The following TBC1D10B variants were observed in gnomAD, a reference collection of about 807,000 sequenced individuals.
TBC1D10B encodes the protein TBC1 domain family member 10B.
TBC1D10B carries 25 observed loss-of-function variants against 78.4 expected under a neutral mutation model. The observed-to-expected ratio is 0.32, with a 90% CI of 0.23 to 0.45. TBC1D10B has a LOEUF of 0.45. TBC1D10B is among the 20% of genes least tolerant of loss of function. The probability of loss-of-function intolerance (pLI) is 1.00; values close to 1 mark genes in which losing one functional copy is unlikely to be tolerated. For synonymous variants in TBC1D10B, 517 were observed against 478.0 expected (o/e 1.08, Z -1.06); for missense variants, 996 against 1,104.8 (o/e 0.90, Z 1.40).
At chr16:30,361,362 T>C (rs972663674) in intron 4 of TBC1D10B, among the ~76,000 whole-genome samples, 4 of 152,192 alleles carry the variant, frequency 2.6e-5, no homozygotes, top group Non-Finnish European at 5.9e-5. Context: ...TCCTTACCTA[T>C]AGACTCACTG....
Position 30,370,052 on chromosome 16 carries a change from C to T in TBC1D10B, c.132G>A (p.Thr44=), listed in dbSNP as rs1348840370. 7.3e-6 allele frequency: 9 copies of T among 1,228,980 alleles called. No homozygotes were observed. The highest frequency in any genetic ancestry group is 9.1e-6 in the Non-Finnish European group (9 of 986,100). 76.1% of individuals were successfully genotyped at this position (1,228,980 alleles called of 1,614,324 possible). A position where few individuals can be genotyped will look rare whatever the true frequency, so the allele number is the denominator to read the frequency against. ...VVVAPGPPVT[T]ATSAPVTLVA... Reference sequence around the variant, plus strand: ...CCAGGGTGACGGGGGCCGAAGTGGCCGTAGTCACTGGAGGTCCCGGAGCCA... The same window carrying T: ...CCAGGGTGACGGGGGCCGAAGTGGCTGTAGTCACTGGAGGTCCCGGAGCCA... Residue 44 remains threonine, a synonymous_variant, in exon 1 of 9, where the codon ACG becomes ACA. Coordinates refer to ENST00000409939, the MANE Select transcript of TBC1D10B (RefSeq NM_015527.4).
At position 30,365,110 on chromosome 16, in the gene TBC1D10B, A is replaced by G. The variant is rs754920469; in HGVS notation, c.1159T>C (p.Phe387Leu). The change falls in exon 3 of 9, where the codon TTT becomes CTT. Residue 387 changes from phenylalanine to leucine, a missense_variant. Transcript: ENST00000409939. This position sits in a 1 kb window ranked among gnomAD's most constrained non-coding sequence, Gnocchi z 5.0. ...CACCTTGGAGCTGCACGCACCTCAA[A>G]CTTTCCTGGGTTCTGCTCCAGAAGT... ...KELLEQNPGK[F>L]EELERAPGDP... 6.2e-7 allele frequency: 1 copy of G among 1,613,878 alleles called. No homozygotes were observed. The highest frequency in any genetic ancestry group is 8.5e-7 in the Non-Finnish European group (1 of 1,179,854).
Position 30,364,916 on chromosome 16 carries a change from C to G in TBC1D10B, c.1255G>C (p.Ala419Pro). Residue 419 changes from alanine (A) to proline (P), a missense_variant, in exon 4 of 9, where the codon GCT becomes CCT. Transcript: ENST00000409939. ...RQFPFHEMFA[A>P]RGGHGQQDLY... ...CCACCTTACCCATGCCCCCCTCGAG[C>G]AGCAAACATCTCGTGGAAAGGGAAC... 1 of 1,611,912 alleles carries G rather than the reference C, an allele frequency of 6.2e-7. No individual in the cohort carries two copies. Among genetic ancestry groups the G allele is most frequent in the Non-Finnish European group, 8.5e-7 (1 of 1,179,040 alleles).
In TBC1D10B at chr16:30,369,864, G is replaced by C; in HGVS notation, c.320C>G (p.Ser107Cys). ...SPEAPKPQLP[S>C]GPESPEPAAV... ...CGCGGGCTCTGGGGATTCCGGGCCGGAGGGGAGCTGCGGCTTTGGGGCTTC... is the reference window on the plus strand; with the variant it reads ...CGCGGGCTCTGGGGATTCCGGGCCGCAGGGGAGCTGCGGCTTTGGGGCTTC... Residue 107 changes from serine (S) to cysteine (C), a missense_variant, in exon 1 of 9, where the codon TCC becomes TGC. Ser to Cys is a moderately radical substitution (Grantham distance 112). This residue lies in a region of TBC1D10B where 448 missense variants were observed against 442.1 expected (regional missense o/e 1.01). Transcript: ENST00000409939. The surrounding 1 kb of genome is among the most constrained non-coding windows in gnomAD (Gnocchi z 4.3). 7.1e-7 allele frequency: 1 copy of C among 1,403,248 alleles called. No homozygotes were observed. Among genetic ancestry groups the C allele is most frequent in the Non-Finnish European group, 9.2e-7 (1 of 1,081,942 alleles). The allele number at this position is 1,403,248 out of a possible 1,614,324, so 86.9% of individuals were successfully genotyped here.
Position 30,357,556 on chromosome 16 carries a change from G to T in TBC1D10B, c.*388C>A. On this transcript the variant is annotated 3_prime_UTR_variant, in exon 9 of 9. Coordinates refer to ENST00000409939, the MANE Select transcript of TBC1D10B (RefSeq NM_015527.4). The stretch of plus-strand genomic sequence containing the variant: ...GGGGAGACAGGGAGGGCTGAAGACA[G>T]GGAAAAGGAAGCCAGCTCCACCTCA... The T allele has an allele frequency of 4.1e-6, 1 of 245,108 alleles. No individual in the cohort carries two copies. The allele number at this position is 245,108 out of a possible 1,614,324, so 15.2% of individuals were successfully genotyped here. A position where few individuals can be genotyped will look rare whatever the true frequency, so the allele number is the denominator to read the frequency against.
chr16:30,361,685 G>A (rs1471627881), intron 4 of TBC1D10B, among the ~76,000 whole-genome samples: 2 of 151,214 alleles, frequency 1.3e-5, no homozygotes, highest in Non-Finnish European at 2.9e-5. Context: ...GATTACAGGC[G>A]TGAGCCACCG....
At chr16:30,366,501 T>C (rs1488909966) in intron 1 of TBC1D10B, 2 of 146,140 alleles carry the variant, frequency 1.4e-5, no homozygotes, top group Non-Finnish European at 3.0e-5. Flanking sequence ...CGAGACTCCA[T>C]CAAAAAAAAA....
Position 30,357,787 on chromosome 16 carries a change from C to T in TBC1D10B, c.*157G>A, listed in dbSNP as rs1487372426. On this transcript the variant is annotated 3_prime_UTR_variant, in exon 9 of 9. Transcript: ENST00000409939. Reference sequence around the variant, plus strand: ...TTTGCAGCTGCCCATCTGTCCTGCCCGTGTAGGGATCAGCAGCTGGCGAGG... The same window carrying T: ...TTTGCAGCTGCCCATCTGTCCTGCCTGTGTAGGGATCAGCAGCTGGCGAGG... 2 of 1,017,362 alleles carry T rather than the reference C, an allele frequency of 2.0e-6. No homozygotes were observed. The highest frequency in any genetic ancestry group is 2.9e-5 in the Admixed American group (1 of 34,720). 63.0% of individuals were successfully genotyped at this position (1,017,362 alleles called of 1,614,324 possible).
chr16:30,365,654 G>A lies in TBC1D10B; in HGVS notation c.957-60C>T. 6.6e-7 allele frequency: 1 copy of A among 1,520,966 alleles called. No individual in the cohort carries two copies. The allele number at this position is 1,520,966 out of a possible 1,614,324, so 94.2% of individuals were successfully genotyped here. On this transcript the variant is annotated intron_variant, in intron 1 of 8. Transcript: ENST00000409939. The surrounding 1 kb of genome is among the most constrained non-coding windows in gnomAD (Gnocchi z 5.0). The stretch of plus-strand genomic sequence containing the variant: ...GCAATAGTGTAAAACCTGCATTGCA[G>A]GGGGAACTGAGGCAAGCCACCTCCC...
At position 30,358,380 on chromosome 16, in the gene TBC1D10B, C is replaced by G; in HGVS notation, c.1991G>C (p.Gly664Ala). The change falls in exon 9 of 9, where the codon GGC becomes GCC. Residue 664 changes from glycine to alanine, a missense_variant. Physicochemically the swap from Gly to Ala is moderately conservative, Grantham distance 60. This residue lies in a region of TBC1D10B where 285 missense variants were observed against 252.5 expected (regional missense o/e 1.13). Coordinates refer to ENST00000409939, the MANE Select transcript of TBC1D10B (RefSeq NM_015527.4). ...GPSSSLLSLPGLKSRGSRAAG... is the reference protein window; with the variant it reads ...GPSSSLLSLPALKSRGSRAAG... ...TGCCCGGGAGCCTCGGCTCTTGAGG[C>G]CAGGGAGGCTGAGGAGGCTGGAGGA... The G allele has an allele frequency of 6.4e-7, 1 of 1,564,632 alleles. No homozygotes were observed. Among genetic ancestry groups the G allele is most frequent in the African/African-American group, 1.4e-5 (1 of 73,788 alleles).
intron 4 of TBC1D10B, among the ~76,000 whole-genome samples, chr16:30,363,132 CCATTCTTCT>C (rs1165776907): frequency 6.6e-6 from 1 of 152,192 alleles, no homozygotes; most frequent in African/African-American, 2.4e-5. Context: ...AACAGCAACT[CCATTCTTCT>C]CATTTCTCAG....
chr16:30,363,643 C>A (rs1175233646), intron 4 of TBC1D10B, among the ~76,000 whole-genome samples: 1 of 152,182 alleles, frequency 6.6e-6, no homozygotes, highest in Non-Finnish European at 1.5e-5. Context: ...TTAATGCTTA[C>A]CATCATTTCA....
In TBC1D10B at chr16:30,370,243, G is replaced by A. The variant is rs910280885; in HGVS notation, c.-60C>T. ...GAGGCCGCAGAAGGCGCCGCCCCTCGGGCCTCCCGGCGAGGCCAGCCGAGA... is the reference window on the plus strand; with the variant it reads ...GAGGCCGCAGAAGGCGCCGCCCCTCAGGCCTCCCGGCGAGGCCAGCCGAGA... On this transcript the variant is annotated 5_prime_UTR_variant, in exon 1 of 9. Transcript: ENST00000409939. 24 of 934,766 alleles carry A rather than the reference G, an allele frequency of 2.6e-5. No homozygotes were observed. The African/African-American group carries it at 3.9e-4, about 15-fold the overall frequency. The allele number at this position is 934,766 out of a possible 1,614,324, so 57.9% of individuals were successfully genotyped here. A position where few individuals can be genotyped will look rare whatever the true frequency, so the allele number is the denominator to read the frequency against.
intron 7 of TBC1D10B, 26 bp from the exon 8 acceptor site, chr16:30,358,843 TG>T (rs1162650608): frequency 6.3e-7 from 1 of 1,585,752 alleles, no homozygotes; most frequent in Middle Eastern, 2.2e-4. Context: ...GTAGAGAGCA[TG>T]GGGTGGTCAG....
intron 4 of TBC1D10B, among the ~76,000 whole-genome samples, chr16:30,361,530 C>G (rs893199827): frequency 6.6e-6 from 1 of 151,544 alleles, no homozygotes; most frequent in Non-Finnish European, 1.5e-5. Flanking sequence ...CCCAGGTTCA[C>G]GCAATTCTCC....
At chr16:30,362,974 T>G (rs1482605235) in intron 4 of TBC1D10B, among the ~76,000 whole-genome samples, 1 of 151,988 alleles carries the variant, frequency 6.6e-6, no homozygotes, top group African/African-American at 2.4e-5. Context: ...GAGGTGGAGG[T>G]TGCAGTGACC....
intron 7 of TBC1D10B, 65 bp downstream of exon 7, chr16:30,359,107 A>C: frequency 2.0e-6 from 3 of 1,514,808 alleles, no homozygotes; most frequent in Non-Finnish European, 2.7e-6. Context: ...CAGAAATATG[A>C]CAGAACCCCT....
chr16:30,361,695 G>A (rs374340364), intron 4 of TBC1D10B, among the ~76,000 whole-genome samples: 37 of 149,236 alleles, frequency 2.5e-4, no homozygotes, highest in African/African-American at 8.9e-4. Context: ...GTGAGCCACC[G>A]CGCCCAGCCA....
intron 4 of TBC1D10B, 153 bp from the exon 5 acceptor site, chr16:30,359,994 A>G (rs2049589233): frequency 2.9e-6 from 2 of 692,182 alleles, no homozygotes; most frequent in Non-Finnish European, 4.8e-6. Flanking sequence ...CTCAGCCCAC[A>G]GCAGAGCACT....
Sources: allele counts gnomAD v4.1 joint callset (sites outside exome capture counted in the v4.1 genomes callset), GRCh38; gene constraint gnomAD v4.1.1; regional missense constraint gnomAD v4.1.1; non-coding constraint Gnocchi (gnomAD v3.1); transcripts MANE v1.5; gene names NCBI Gene and HGNC (gene_info 2026-07-23, HGNC 2026-07-21).